The following LMNTD1 variants were observed in gnomAD, a reference collection of about 807,000 sequenced individuals.
The protein encoded by LMNTD1 is lamin tail domain containing 1.
In LMNTD1, 35 loss-of-function variants were observed where a neutral mutation model predicts 50.9. The ratio of observed to expected loss-of-function variants is 0.69; its 90% CI spans 0.53 to 0.91. The LOEUF (loss-of-function observed/expected upper bound fraction) is 0.91, where lower values mean the gene tolerates loss of function less well. Ranked by LOEUF, LMNTD1 falls within the 40% of genes least tolerant of loss-of-function variation. The pLI, the probability that LMNTD1 is intolerant of heterozygous loss-of-function variation, is 0.00. For synonymous variants in LMNTD1, 153 were observed against 161.9 expected, an observed-to-expected ratio of 0.94 and a Z score of 0.42; for missense variants, 470 against 475.5, an observed-to-expected ratio of 0.99 and a Z score of 0.11.
At chr12:25,488,633 C>G (rs1464039735) in intron 9 of LMNTD1, among the ~76,000 whole-genome samples, 51 of 151,666 alleles carry the variant, frequency 3.4e-4, no homozygotes, top group Non-Finnish European at 5.9e-4. Context: ...TCTCTCAGCT[C>G]GTCAAAGTCA....
intron 1 of LMNTD1, among the ~76,000 whole-genome samples, chr12:25,623,059 G>C (rs1321389760): frequency 6.6e-6 from 1 of 152,000 alleles, no homozygotes; most frequent in African/African-American, 2.4e-5. Context: ...CTGTCTCCCT[G>C]CCAGAGGAAA....
rs150812714 is a variant in LMNTD1, at chr12:25,638,010, T to A, written c.58+10484A>T. ...ATACACCATGACTAAGTGAGATTTA[T>A]CCCAGGAATGCAGGATTGGTTTCAC... is the stretch of plus-strand genomic sequence containing the variant. On this transcript the variant is annotated intron_variant, in intron 1 of 7. Coordinates refer to the LMNTD1 transcript ENST00000445693. Among the ~76,000 whole-genome samples, 451 of 152,158 alleles carry A rather than the reference T, an allele frequency of 3.0e-3. 2 individuals carry two copies. Among genetic ancestry groups the A allele is most frequent in the African/African-American group, 0.01 (434 of 41,522 alleles).
intron 1 of LMNTD1, among the ~76,000 whole-genome samples, chr12:25,646,205 C>G (rs1430355870): frequency 6.6e-6 from 1 of 151,994 alleles, no homozygotes; most frequent in Admixed American, 6.5e-5. Flanking sequence ...AGACGTACCC[C>G]TTGCCCACCA....
At chr12:25,549,110 T>C (rs979948493) in intron 3 of LMNTD1, among the ~76,000 whole-genome samples, 3 of 152,030 alleles carry the variant, frequency 2.0e-5, no homozygotes, top group Non-Finnish European at 4.4e-5. Flanking sequence ...ATAAGGATGA[T>C]ATATTTGGCA....
At position 25,562,579 on chromosome 12, in the gene LMNTD1, A is replaced by G. The variant is rs894226600; in HGVS notation, c.59-16025T>C. Among the ~76,000 whole-genome samples the G allele has an allele frequency of 1.1e-4, 16 of 151,990 alleles. No homozygotes were observed. The East Asian group carries it at 3.1e-3, about 29-fold the overall frequency. On this transcript the variant is annotated intron_variant, in intron 1 of 7. Transcript: ENST00000445693. ...TGGCTGCCCTTAACATTTTTCCTTCATTTCAACTTTGGTGAATCTGACAAT... is the reference window on the plus strand; with the variant it reads ...TGGCTGCCCTTAACATTTTTCCTTCGTTTCAACTTTGGTGAATCTGACAAT...
At chr12:25,603,741 G>C (rs1946032864) in intron 1 of LMNTD1, among the ~76,000 whole-genome samples, 2 of 152,122 alleles carry the variant, frequency 1.3e-5, no homozygotes, top group East Asian at 3.9e-4. Context: ...AGAATAATAA[G>C]TGACTTAAAA....
chr12:25,562,496 G>A (rs1008868829), intron 1 of LMNTD1, among the ~76,000 whole-genome samples: 2 of 152,214 alleles, frequency 1.3e-5, no homozygotes, highest in African/African-American at 4.8e-5. Context: ...AGTTTCTGCG[G>A]GGACATCCGC....
chr12:25,534,067 AG>A (rs2136136474), intron 4 of LMNTD1, among the ~76,000 whole-genome samples: 2 of 152,334 alleles, frequency 1.3e-5, no homozygotes, highest in African/African-American at 4.8e-5. Flanking sequence ...CTTGAAGCCA[AG>A]GTAAGGTCTT....
intron 9 of LMNTD1, among the ~76,000 whole-genome samples, chr12:25,495,946 G>A (rs1159940076): frequency 6.6e-6 from 1 of 152,142 alleles, no homozygotes; most frequent in East Asian, 1.9e-4. Flanking sequence ...TACTCATGGA[G>A]GAAATAATTG....
chr12:25,555,796 A>G (rs1944015650), upstream of LMNTD1, among the ~76,000 whole-genome samples: 1 of 151,994 alleles, frequency 6.6e-6, no homozygotes, highest in Non-Finnish European at 1.5e-5. Context: ...ATTATTTTTG[A>G]CTGCAAATAT....
At position 25,610,570 on chromosome 12, in the gene LMNTD1, G is replaced by T. The variant is rs910933071; in HGVS notation, c.58+37924C>A. ...GTGGGTTAAGGATGGATCAAAGAAA[G>T]AGAAGAATGAAAGATGAGGAGATGA... is the stretch of plus-strand genomic sequence containing the variant. On this transcript the variant is annotated intron_variant, in intron 1 of 7. Transcript: ENST00000445693. Among the ~76,000 whole-genome samples the T allele has an allele frequency of 5.9e-5, 9 of 152,316 alleles. No homozygotes were observed. In the South Asian group the frequency reaches 1.7e-3, roughly 28 times the overall value.
At chr12:25,574,754 G>A (rs376266332) in intron 1 of LMNTD1, among the ~76,000 whole-genome samples, 10 of 152,150 alleles carry the variant, frequency 6.6e-5, no homozygotes, top group Middle Eastern at 3.4e-3. Flanking sequence ...GTCATGGATC[G>A]TTTATTGAGC....
chr12:25,550,768 T>G (rs1401869833), intron 2 of LMNTD1, among the ~76,000 whole-genome samples: 1 of 152,176 alleles, frequency 6.6e-6, no homozygotes, highest in East Asian at 1.9e-4. Flanking sequence ...GAAAGTTCCT[T>G]TATCAGAAAT....
chr12:25,499,775 T>G (rs1939280359), intron 9 of LMNTD1: 1 of 152,084 alleles, frequency 6.6e-6, no homozygotes, highest in South Asian at 2.1e-4. Context: ...TTTTCCTGTG[T>G]GCAGCAGGCT....
chr12:25,525,378 A>C (rs1259990759), intron 6 of LMNTD1, among the ~76,000 whole-genome samples: 2 of 152,192 alleles, frequency 1.3e-5, no homozygotes, highest in Non-Finnish European at 2.9e-5. Context: ...TGCAGATCTT[A>C]ATCTGTTATA....
At position 25,619,709 on chromosome 12, in the gene LMNTD1, G is replaced by C. The variant is rs185758; in HGVS notation, c.58+28785C>G. Among the ~76,000 whole-genome samples, 416 of 152,310 alleles carry C rather than the reference G, an allele frequency of 2.7e-3. 1 individual carries two copies. Among genetic ancestry groups the C allele is most frequent in the African/African-American group, 8.9e-3 (368 of 41,570 alleles). ...CCAGTGCTCCGTGGGCAGGACGGCA[G>C]GTGGGGCTGGAGCCCACACAGCCAT... is the stretch of plus-strand genomic sequence containing the variant. On this transcript the variant is annotated intron_variant, in intron 1 of 7. Coordinates refer to the LMNTD1 transcript ENST00000445693.
chr12:25,571,511 C>G (rs1944795202), intron 1 of LMNTD1, among the ~76,000 whole-genome samples: 1 of 151,708 alleles, frequency 6.6e-6, no homozygotes, highest in African/African-American at 2.4e-5. Context: ...CTACAGGCAC[C>G]CACTACCACA....
intron 1 of LMNTD1, among the ~76,000 whole-genome samples, chr12:25,598,406 G>A (rs1026497939): frequency 2.0e-5 from 3 of 151,784 alleles, no homozygotes; most frequent in African/African-American, 7.3e-5. Flanking sequence ...AAAAAAAGAA[G>A]AAAAATTTCA....
At chr12:25,521,547 C>T (rs921224632) in intron 6 of LMNTD1, among the ~76,000 whole-genome samples, 20 of 152,262 alleles carry the variant, frequency 1.3e-4, no homozygotes, top group African/African-American at 3.8e-4. Flanking sequence ...GCAGCATAAT[C>T]TCAGGTAGGT....
Sources: gnomAD v4.1 joint callset for allele counts (sites outside exome capture counted in the v4.1 genomes callset) on GRCh38, gnomAD v4.1.1 for gene constraint, MANE v1.5 for transcripts, NCBI Gene and HGNC (gene_info 2026-07-23, HGNC 2026-07-21) for gene names.